The following FSTL5 variants were observed in gnomAD, a reference collection of about 807,000 sequenced individuals.
FSTL5 encodes the protein follistatin like 5.
A neutral mutation model predicts 89.1 loss-of-function variants in FSTL5; 62 were observed. The observed-to-expected ratio is 0.70, with a 90% CI of 0.57 to 0.86. The LOEUF (loss-of-function observed/expected upper bound fraction) is 0.86, where lower values mean the gene tolerates loss of function less well. Ranked by LOEUF, FSTL5 falls within the 40% of genes least tolerant of loss-of-function variation. The pLI, the probability that FSTL5 is intolerant of heterozygous loss-of-function variation, is 0.00. For synonymous variants in FSTL5, 383 were observed against 346.2 expected (o/e 1.11, Z -1.18); for missense variants, 1,057 against 1,001.6 (o/e 1.06, Z -0.75).
At chr4:161,919,198 C>T (rs1733922763) in intron 4 of FSTL5, among the ~76,000 whole-genome samples, 1 of 152,016 alleles carries the variant, frequency 6.6e-6, no homozygotes, top group Admixed American at 6.6e-5. Context: ...GGGAACTAAA[C>T]TGAACTTGAA....
chr4:162,010,985 T>C (rs1490511713), intron 3 of FSTL5, among the ~76,000 whole-genome samples: 1 of 152,216 alleles, frequency 6.6e-6, no homozygotes, highest in Non-Finnish European at 1.5e-5. Context: ...ATATGGTAAT[T>C]CTGTGTTAAA....
At chr4:161,603,282 A>C (rs1355027146) in intron 7 of FSTL5, among the ~76,000 whole-genome samples, 2 of 152,212 alleles carry the variant, frequency 1.3e-5, no homozygotes. Context: ...TTCCCAGTGC[A>C]TATAAAAAGT....
rs140747357 is a variant in FSTL5, at chr4:162,111,346, C to T, written c.51G>A (p.Glu17=). ...VVLVLGFIFL[E]SEGRPTKEGG... ...CTTCTTTGGTTGGCCTTCCTTCCGA[C>T]TCCAGAAAAATGAATCCGAGAACCA... Residue 17 remains glutamate (E), a synonymous_variant, in exon 2 of 16, where the codon GAG becomes GAA. Transcript: ENST00000306100. The T allele has an allele frequency of 6.2e-7, 1 of 1,612,142 alleles. No homozygotes were observed. Among genetic ancestry groups the T allele is most frequent in the Non-Finnish European group, 8.5e-7 (1 of 1,178,760 alleles).
chr4:161,543,079 A>G (rs1428344826), intron 8 of FSTL5, among the ~76,000 whole-genome samples: 5 of 152,026 alleles, frequency 3.3e-5, no homozygotes, highest in Non-Finnish European at 7.4e-5. Context: ...ATTAAATAAA[A>G]TCATGAATTC....
intron 2 of FSTL5, among the ~76,000 whole-genome samples, chr4:162,039,092 G>A (rs1737849994): frequency 6.6e-6 from 1 of 151,812 alleles, no homozygotes. Context: ...CACATGGAGA[G>A]ACATAAGAGT....
At chr4:161,742,123 A>C (rs1740050549) in intron 6 of FSTL5, among the ~76,000 whole-genome samples, 1 of 152,166 alleles carries the variant, frequency 6.6e-6, no homozygotes, top group African/African-American at 2.4e-5. Context: ...AAAAAAAGAA[A>C]AAACAATGCA....
intron 4 of FSTL5, among the ~76,000 whole-genome samples, chr4:161,781,904 C>T (rs1741683033): frequency 6.6e-6 from 1 of 152,164 alleles, no homozygotes; most frequent in South Asian, 2.1e-4. Flanking sequence ...CTATTCATCA[C>T]TTTCTCCTGT....
chr4:161,436,004 C>T (rs967969926), intron 15 of FSTL5, among the ~76,000 whole-genome samples: 2 of 152,028 alleles, frequency 1.3e-5, no homozygotes, highest in African/African-American at 2.4e-5. Context: ...TATAAGTTTC[C>T]TCACATTTCT....
chr4:161,484,829 G>GC (rs1560918138), intron 12 of FSTL5, among the ~76,000 whole-genome samples: 1 of 152,068 alleles, frequency 6.6e-6, no homozygotes, highest in African/African-American at 2.4e-5. Flanking sequence ...AATTTCTGCC[G>GC]CATTTAGCTG....
chr4:161,885,421 A>T (rs757095840), intron 4 of FSTL5, among the ~76,000 whole-genome samples: 9 of 152,120 alleles, frequency 5.9e-5, no homozygotes, highest in Non-Finnish European at 1.0e-4. Context: ...TGGCAAAAAA[A>T]AGCCTTACCA....
chr4:161,633,720 T>C (rs1433878566), intron 7 of FSTL5, among the ~76,000 whole-genome samples: 2 of 152,106 alleles, frequency 1.3e-5, no homozygotes, highest in Non-Finnish European at 2.9e-5. Flanking sequence ...AGTAACTAGA[T>C]GTATGGAGCT....
At chr4:161,807,542 T>G (rs1730008515) in intron 4 of FSTL5, among the ~76,000 whole-genome samples, 2 of 152,184 alleles carry the variant, frequency 1.3e-5, no homozygotes, top group Non-Finnish European at 2.9e-5. Flanking sequence ...CTGTAAATTT[T>G]AGACAGTAAA....
At chr4:161,499,981 G>T in intron 12 of FSTL5, 35 bp downstream of exon 12, 1 of 1,228,110 alleles carries the variant, frequency 8.1e-7, no homozygotes, top group Non-Finnish European at 1.2e-6. Flanking sequence ...CAAAATTTCT[G>T]CATAAAACGT....
intron 3 of FSTL5, among the ~76,000 whole-genome samples, chr4:161,994,788 TCAGATGCA>T (rs1430545648): frequency 1.3e-5 from 2 of 152,238 alleles, no homozygotes; most frequent in Non-Finnish European, 2.9e-5. Context: ...TAGACCTTTG[TCAGATGCA>T]CAGTTTGCAA....
At chr4:162,105,656 A>G (rs1197706032) in intron 2 of FSTL5, among the ~76,000 whole-genome samples, 2 of 152,176 alleles carry the variant, frequency 1.3e-5, no homozygotes, top group African/African-American at 4.8e-5. Flanking sequence ...TATCAATAAT[A>G]TTCAGCCTTT....
chr4:161,724,851 T>C (rs892649905), intron 6 of FSTL5, among the ~76,000 whole-genome samples: 12 of 152,310 alleles, frequency 7.9e-5, no homozygotes, highest in African/African-American at 2.9e-4. Flanking sequence ...TATAAACCCA[T>C]ATACTTCATA....
chr4:161,513,272 G>GGGAGAGAGAGAGAGAGA (rs1349844190), intron 10 of FSTL5, among the ~76,000 whole-genome samples: 1 of 109,978 alleles, frequency 9.1e-6, no homozygotes, highest in African/African-American at 3.5e-5. Flanking sequence ...ACAAGGAGGG[G>GGGAGAGAGAGAGAGAGA]GAGAGAGAGA....
chr4:161,553,571 T>A lies in FSTL5; in HGVS notation c.1016-10878A>T, dbSNP rs192227828. ...ATTACACATCCAATGAGTGATAGGT[T>A]CGAGTTGAAACTAGCCAAGTGGAGC... is the stretch of plus-strand genomic sequence containing the variant. On this transcript the variant is annotated intron_variant, in intron 8 of 15. Coordinates refer to ENST00000306100, the MANE Select transcript of FSTL5 (RefSeq NM_020116.5). 2.0e-5 allele frequency among the ~76,000 whole-genome samples: 3 copies of A among 151,412 alleles called. No homozygotes were observed. In the East Asian group the frequency reaches 5.9e-4, roughly 30 times the overall value.
chr4:161,741,280 G>T (rs1740020227), intron 6 of FSTL5, among the ~76,000 whole-genome samples: 1 of 152,154 alleles, frequency 6.6e-6, no homozygotes, highest in Non-Finnish European at 1.5e-5. Context: ...GATTATTCTG[G>T]ACTATTTAGG....
Sources: gnomAD v4.1 joint callset for allele counts (sites outside exome capture counted in the v4.1 genomes callset) on GRCh38, gnomAD v4.1.1 for gene constraint, MANE v1.5 for transcripts, NCBI Gene and HGNC (gene_info 2026-07-23, HGNC 2026-07-21) for gene names.